MSRA: variants seen among roughly 807,000 people sequenced by gnomAD.
MSRA encodes the protein methionine sulfoxide reductase A, also known as mitochondrial peptide methionine sulfoxide reductase.
MSRA carries 54 observed loss-of-function variants against 31.3 expected under a neutral mutation model. The ratio of observed to expected loss-of-function variants is 1.73; its 90% CI spans 1.39 to 2.17. The LOEUF (loss-of-function observed/expected upper bound fraction) is 2.17, where lower values mean the gene tolerates loss of function less well. Among genes scored for constraint, MSRA ranks in the 30% most tolerant of loss-of-function variants. The pLI is 0.00. For missense variants in MSRA, 507 were observed against 300.9 expected, an observed-to-expected ratio of 1.69 and a Z score of -5.07; for synonymous variants, 169 against 116.5, an observed-to-expected ratio of 1.45 and a Z score of -2.90.
intron 2 of MSRA, among the ~76,000 whole-genome samples, chr8:10,209,897 G>C (rs6992349): frequency 6.6e-6 from 1 of 152,102 alleles, no homozygotes; most frequent in African/African-American, 2.4e-5. Flanking sequence ...AGATGATAAA[G>C]TAGAATATGT....
chr8:10,271,271 C>G (rs1799022352), intron 3 of MSRA, among the ~76,000 whole-genome samples: 1 of 152,120 alleles, frequency 6.6e-6, no homozygotes, highest in African/African-American at 2.4e-5. Flanking sequence ...TTCTGTGATA[C>G]CTACCATGGG....
chr8:10,061,877 G>A (rs1797209543), intron 1 of MSRA, among the ~76,000 whole-genome samples: 2 of 152,190 alleles, frequency 1.3e-5, no homozygotes, highest in Non-Finnish European at 2.9e-5. Flanking sequence ...AAATCTCTGA[G>A]CAGAGACTTG....
At chr8:10,303,314 T>G (rs1490809934) in intron 4 of MSRA, among the ~76,000 whole-genome samples, 1 of 152,182 alleles carries the variant, frequency 6.6e-6, no homozygotes, top group Non-Finnish European at 1.5e-5. Context: ...TTAAATGCTT[T>G]CATTTGATCA....
At chr8:10,214,078 T>C (rs1431420888) in intron 2 of MSRA, among the ~76,000 whole-genome samples, 1 of 152,162 alleles carries the variant, frequency 6.6e-6, no homozygotes, top group Non-Finnish European at 1.5e-5. Flanking sequence ...AAACATGTTT[T>C]CCGGGTCAGA....
intron 1 of MSRA, among the ~76,000 whole-genome samples, chr8:10,156,430 C>T (rs764512804): frequency 1.1e-4 from 16 of 151,528 alleles, no homozygotes; most frequent in Non-Finnish European, 1.9e-4. Flanking sequence ...AAAAGGAAAG[C>T]ATGTGTGTGT....
At chr8:10,333,278 A>G (rs1409267885) in intron 5 of MSRA, among the ~76,000 whole-genome samples, 1 of 152,130 alleles carries the variant, frequency 6.6e-6, no homozygotes, top group East Asian at 1.9e-4. Flanking sequence ...ATGCAAGATG[A>G]TTTTACGGTG....
intron 3 of MSRA, among the ~76,000 whole-genome samples, chr8:10,287,056 G>A (rs767976747): frequency 5.3e-5 from 8 of 152,218 alleles, no homozygotes; most frequent in South Asian, 2.1e-4. Context: ...TTGTTGAAAC[G>A]TTTGGTGTGT....
intron 1 of MSRA, among the ~76,000 whole-genome samples, chr8:10,176,099 C>G (rs1051109387): frequency 6.6e-6 from 1 of 152,198 alleles, no homozygotes; most frequent in African/African-American, 2.4e-5. Context: ...CCTATTAGAT[C>G]TGTAATAATG....
intron 2 of MSRA, among the ~76,000 whole-genome samples, chr8:10,221,964 A>G (rs762918606): frequency 2.6e-5 from 4 of 152,180 alleles, no homozygotes; most frequent in Non-Finnish European, 5.9e-5. Context: ...GAGGTCAGAG[A>G]CTACGAGATC....
At chr8:10,280,100 A>G (rs778828036) in intron 3 of MSRA, among the ~76,000 whole-genome samples, 3 of 152,094 alleles carry the variant, frequency 2.0e-5, no homozygotes, top group Non-Finnish European at 2.9e-5. Flanking sequence ...TTTGACGTGA[A>G]GTTTTTGCAG....
intron 5 of MSRA, among the ~76,000 whole-genome samples, chr8:10,328,206 C>A (rs755778491): frequency 1.3e-5 from 2 of 149,358 alleles, no homozygotes; most frequent in Admixed American, 6.7e-5. Flanking sequence ...TTATTGCCAC[C>A]CCCTGTAAAC....
chr8:10,316,536 C>G lies in MSRA; in HGVS notation c.437-3347C>G, dbSNP rs1264751118. On this transcript the variant is annotated intron_variant, in intron 4 of 5. Coordinates refer to ENST00000317173, the MANE Select transcript of MSRA (RefSeq NM_012331.5). Reference sequence around the variant, plus strand: ...AGCTACTTTGATGATCCCTCTCTCTCTCTCTCTCTCTCTCTCTCTCTCTCT... The same window carrying G: ...AGCTACTTTGATGATCCCTCTCTCTGTCTCTCTCTCTCTCTCTCTCTCTCT... 9.8e-5 allele frequency among the ~76,000 whole-genome samples: 7 copies of G among 71,220 alleles called. No individual in the cohort carries two copies. The East Asian group carries it at 1.9e-3, about 19-fold the overall frequency. 46.7% of individuals were successfully genotyped at this position (71,220 alleles called of 152,430 possible).
At chr8:10,190,746 C>G (rs1022880873) in intron 1 of MSRA, among the ~76,000 whole-genome samples, 1 of 152,212 alleles carries the variant, frequency 6.6e-6, no homozygotes, top group Admixed American at 6.5e-5. Flanking sequence ...TAAGCAGTAT[C>G]TGAGTTGAGA....
At chr8:10,295,640 T>TCTCAA (rs1800496547) in intron 3 of MSRA, among the ~76,000 whole-genome samples, 2 of 152,184 alleles carry the variant, frequency 1.3e-5, no homozygotes, top group African/African-American at 4.8e-5. Flanking sequence ...GGGGTGTCAT[T>TCTCAA]CTCAACTCCA....
chr8:10,251,585 T>C (rs1797918355), intron 3 of MSRA, among the ~76,000 whole-genome samples: 2 of 152,120 alleles, frequency 1.3e-5, no homozygotes, highest in Non-Finnish European at 1.5e-5. Context: ...AAAACGCTTA[T>C]CTCTCTCAAA....
At chr8:10,253,729 A>G (rs1180201912) in intron 3 of MSRA, among the ~76,000 whole-genome samples, 1 of 131,660 alleles carries the variant, frequency 7.6e-6, no homozygotes, top group African/African-American at 2.6e-5. Flanking sequence ...ATAATGTAAT[A>G]TGAGAAAATA....
At chr8:10,338,509 A>AT (rs1803205209) in intron 5 of MSRA, among the ~76,000 whole-genome samples, 1 of 152,246 alleles carries the variant, frequency 6.6e-6, no homozygotes, top group African/African-American at 2.4e-5. Context: ...CCATAAAAAA[A>AT]CAATAGGTAA....
intron 4 of MSRA, among the ~76,000 whole-genome samples, chr8:10,313,969 A>G (rs1327138987): frequency 1.3e-5 from 2 of 152,222 alleles, no homozygotes; most frequent in Non-Finnish European, 2.9e-5. Context: ...GAAGAAAGTT[A>G]ATTGGATTTC....
At chr8:10,215,428 G>C (rs1377088396) in intron 2 of MSRA, among the ~76,000 whole-genome samples, 2 of 152,196 alleles carry the variant, frequency 1.3e-5, no homozygotes, top group African/African-American at 4.8e-5. Flanking sequence ...GGGGATGACA[G>C]ACCAGCCGGA....
Sources: allele counts gnomAD v4.1 joint callset (sites outside exome capture counted in the v4.1 genomes callset), GRCh38; gene constraint gnomAD v4.1.1; transcripts MANE v1.5; gene names NCBI Gene and HGNC (gene_info 2026-07-23, HGNC 2026-07-21).